The following ERBIN variants were observed in gnomAD, a reference collection of about 807,000 sequenced individuals.
ERBIN encodes erbb2 interacting protein.
ERBIN carries 60 observed loss-of-function variants against 158.4 expected under a neutral mutation model. The observed-to-expected ratio is 0.38, with a 90% CI of 0.31 to 0.47. ERBIN has a LOEUF of 0.47. Ranked by LOEUF, ERBIN falls within the 20% of genes least tolerant of loss-of-function variation. The pLI, the probability that ERBIN is intolerant of heterozygous loss-of-function variation, is 0.99. For synonymous variants in ERBIN, 594 were observed against 557.2 expected (o/e 1.07, Z -0.93); for missense variants, 1,610 against 1,648.0 (o/e 0.98, Z 0.40).
At chr5:65,956,644 T>TG (rs1678646566) in intron 1 of ERBIN, among the ~76,000 whole-genome samples, 1 of 151,662 alleles carries the variant, frequency 6.6e-6, no homozygotes. Flanking sequence ...ACTCCCAAAG[T>TG]GTTGGGATTA....
At position 66,069,415 on chromosome 5, in the gene ERBIN, A is replaced by C. The variant is rs569386141; in HGVS notation, c.3634-2754A>C. On this transcript the variant is annotated intron_variant, in intron 21 of 25. Coordinates refer to ENST00000284037, the MANE Select transcript of ERBIN (RefSeq NM_001253697.2). ...AATAATTTTAACTCCAGTGACTGAGAATTGACTGAGAGAAAGCACTACCCT... is the reference window on the plus strand; with the variant it reads ...AATAATTTTAACTCCAGTGACTGAGCATTGACTGAGAGAAAGCACTACCCT... Among the ~76,000 whole-genome samples, 3 of 152,318 alleles carry C rather than the reference A, an allele frequency of 2.0e-5. No homozygotes were observed. The East Asian group carries it at 5.8e-4, about 29-fold the overall frequency.
At chr5:66,057,721 TC>T (rs1217138509) in intron 21 of ERBIN, among the ~76,000 whole-genome samples, 1 of 117,014 alleles carries the variant, frequency 8.5e-6, no homozygotes. Flanking sequence ...CCCACAACAG[TC>T]CCCAGTGTGT....
chr5:66,018,445 TAATA>T (rs1755044980), intron 7 of ERBIN, among the ~76,000 whole-genome samples: 1 of 54,858 alleles, frequency 1.8e-5, no homozygotes, highest in African/African-American at 7.7e-5. Context: ...ATATATAATA[TAATA>T]TATATTATAT....
At chr5:66,077,815 C>T (rs58405533) in intron 25 of ERBIN, among the ~76,000 whole-genome samples, 6,069 of 146,458 alleles carry the variant, frequency 0.041, 422 homozygotes, top group African/African-American at 0.16. Context: ...CACACAGTCA[C>T]ACTCACTCAT....
intron 1 of ERBIN, among the ~76,000 whole-genome samples, chr5:65,953,681 T>G (rs1286090757): frequency 2.0e-5 from 3 of 152,258 alleles, no homozygotes; most frequent in African/African-American, 7.2e-5. Flanking sequence ...ATAGTTCTAC[T>G]TAACCCACCC....
At chr5:65,970,413 C>T (rs971521236) in intron 1 of ERBIN, among the ~76,000 whole-genome samples, 3 of 152,158 alleles carry the variant, frequency 2.0e-5, no homozygotes, top group Non-Finnish European at 2.9e-5. Flanking sequence ...ACCCTAACGT[C>T]ATTCCTATAT....
chr5:66,005,081 TCTATA>T (rs376579160), intron 4 of ERBIN, among the ~76,000 whole-genome samples: 3,163 of 152,232 alleles, frequency 0.021, 111 homozygotes, highest in African/African-American at 0.071. Context: ...GTTTAATCTG[TCTATA>T]TATATATATA....
intron 21 of ERBIN, among the ~76,000 whole-genome samples, chr5:66,067,873 G>A (rs533119140): frequency 6.0e-4 from 92 of 152,274 alleles, no homozygotes; most frequent in African/African-American, 2.1e-3. Flanking sequence ...CTACTCAGGA[G>A]CCTGAGGCAG....
intron 25 of ERBIN, 125 bp downstream of exon 25, chr5:66,077,074 C>T: frequency 1.5e-6 from 1 of 648,932 alleles, no homozygotes; most frequent in Non-Finnish European, 2.6e-6. Context: ...TGGCGTGAAC[C>T]CGGGAGGCGG....
chr5:66,075,242 C>T lies in ERBIN; in HGVS notation c.3963+12C>T. ...TGGCAAAACAAGAGGTAAGAATAATCAAGACTATTTGAAATATGGGACTAA... is the reference window on the plus strand; with the variant it reads ...TGGCAAAACAAGAGGTAAGAATAATTAAGACTATTTGAAATATGGGACTAA... On this transcript the variant is annotated intron_variant, in intron 23 of 25. Transcript: ENST00000284037. The T allele has an allele frequency of 6.2e-7, 1 of 1,604,864 alleles. No homozygotes were observed. Among genetic ancestry groups the T allele is most frequent in the Non-Finnish European group, 8.5e-7 (1 of 1,171,724 alleles).
chr5:66,035,398 G>T (rs1053471500), intron 14 of ERBIN, among the ~76,000 whole-genome samples: 1 of 152,158 alleles, frequency 6.6e-6, no homozygotes, highest in African/African-American at 2.4e-5. Flanking sequence ...CTTGATGGAG[G>T]CAGAGGCCTG....
chr5:66,014,648 GA>G lies in ERBIN; in HGVS notation c.477-20del. ...TTCATTGTCTTTGTCCTAAATACAT[GA>G]TTTTTTTTTTGTATTGCAGATTAAC... On this transcript the variant is annotated intron_variant, in intron 6 of 25. Coordinates refer to ENST00000284037, the MANE Select transcript of ERBIN (RefSeq NM_001253697.2). The G allele has an allele frequency of 8.7e-7, 1 of 1,147,626 alleles. No homozygotes were observed. The highest frequency in any genetic ancestry group is 1.2e-6 in the Non-Finnish European group (1 of 806,974). 71.1% of individuals were successfully genotyped at this position (1,147,626 alleles called of 1,614,324 possible). A position where few individuals can be genotyped will look rare whatever the true frequency, so the allele number is the denominator to read the frequency against.
At chr5:66,019,201 A>C (rs1446073310) in intron 7 of ERBIN, among the ~76,000 whole-genome samples, 1 of 151,920 alleles carries the variant, frequency 6.6e-6, no homozygotes, top group Non-Finnish European at 1.5e-5. Flanking sequence ...TCTCTTTCCT[A>C]ATGGTTTTTG....
At chr5:66,031,462 T>TG (rs1248309011) in intron 14 of ERBIN, among the ~76,000 whole-genome samples, 1 of 152,192 alleles carries the variant, frequency 6.6e-6, no homozygotes, top group Non-Finnish European at 1.5e-5. Context: ...GGATCAAAGA[T>TG]GGGGAAGATA....
intron 19 of ERBIN, among the ~76,000 whole-genome samples, chr5:66,049,642 GCTA>G (rs1488142845): frequency 1.3e-5 from 2 of 152,072 alleles, no homozygotes; most frequent in Admixed American, 1.3e-4. Context: ...GAGTCCATTT[GCTA>G]CTGTTAACTG....
chr5:66,061,574 G>C (rs909802907), intron 21 of ERBIN, among the ~76,000 whole-genome samples: 3 of 152,148 alleles, frequency 2.0e-5, no homozygotes, highest in Non-Finnish European at 2.9e-5. Context: ...GTGTGAATTT[G>C]ATCCTGTCAT....
At chr5:65,944,470 C>A (rs1469063569) in intron 1 of ERBIN, among the ~76,000 whole-genome samples, 1 of 152,044 alleles carries the variant, frequency 6.6e-6, no homozygotes, top group Non-Finnish European at 1.5e-5. Context: ...GGTGCAATCT[C>A]GGCTCACTGC....
intron 1 of ERBIN, among the ~76,000 whole-genome samples, chr5:65,939,665 GCC>G (rs1744568702): frequency 7.0e-5 from 1 of 14,274 alleles, no homozygotes; most frequent in East Asian, 9.2e-4. Context: ...TCCTGCCTCA[GCC>G]TGCCGAGTGC....
intron 7 of ERBIN, among the ~76,000 whole-genome samples, chr5:66,016,485 G>A (rs1681021296): frequency 6.6e-6 from 1 of 151,986 alleles, no homozygotes; most frequent in African/African-American, 2.4e-5. Flanking sequence ...AAAATTTACT[G>A]TCTTTACCAT....
Sources: gnomAD v4.1 joint callset for allele counts (sites outside exome capture counted in the v4.1 genomes callset) on GRCh38, gnomAD v4.1.1 for gene constraint, MANE v1.5 for transcripts, NCBI Gene and HGNC (gene_info 2026-07-23, HGNC 2026-07-21) for gene names.